DCC: variants seen among roughly 807,000 people sequenced by gnomAD.
DCC encodes the protein netrin receptor DCC.
Under a neutral mutation model 172.5 loss-of-function variants are expected in DCC, and 58 were observed. The observed-to-expected ratio is 0.34, with a 90% CI of 0.27 to 0.42. The LOEUF is 0.42. Ranked by LOEUF, DCC falls within the 10% of genes least tolerant of loss-of-function variation. The pLI is 1.00. For synonymous variants in DCC, 709 were observed against 644.5 expected, an observed-to-expected ratio of 1.10 and a Z score of -1.52; for missense variants, 1,740 against 1,791.0, an observed-to-expected ratio of 0.97 and a Z score of 0.51.
intron 8 of DCC, among the ~76,000 whole-genome samples, chr18:53,170,834 A>G (rs2055002984): frequency 6.6e-6 from 1 of 152,100 alleles, no homozygotes; most frequent in Non-Finnish European, 1.5e-5. Flanking sequence ...TCAGTCCTGA[A>G]CTACTTACTC....
At chr18:52,880,410 A>C (rs370759260) in intron 2 of DCC, among the ~76,000 whole-genome samples, 3 of 152,236 alleles carry the variant, frequency 2.0e-5, no homozygotes. Flanking sequence ...CAGCCTCCCA[A>C]AGTGTTAGGA....
rs1285644221 is a variant in DCC, at chr18:52,984,430, A to G, written c.985+59060A>G. On this transcript the variant is annotated intron_variant, in intron 5 of 28. Coordinates refer to ENST00000442544, the MANE Select transcript of DCC (RefSeq NM_005215.4). ...TCTATTTTTTGTTATATGTTTGATC[A>G]TTAATAGAAAATTAAGTTGAAAATT... 2.0e-5 allele frequency among the ~76,000 whole-genome samples: 3 copies of G among 152,074 alleles called. No individual in the cohort carries two copies. In the East Asian group the frequency reaches 5.8e-4, roughly 29 times the overall value.
At chr18:53,247,235 T>A (rs2144650290) in intron 12 of DCC, among the ~76,000 whole-genome samples, 1 of 152,166 alleles carries the variant, frequency 6.6e-6, no homozygotes, top group Middle Eastern at 3.4e-3. Flanking sequence ...CTGCCCACAT[T>A]CAATTGGCCA....
intron 26 of DCC, among the ~76,000 whole-genome samples, chr18:53,494,592 T>C (rs1218496397): frequency 6.6e-6 from 1 of 152,238 alleles, no homozygotes; most frequent in African/African-American, 2.4e-5. Context: ...CTTTTGATCT[T>C]TGTTGGCTTA....
intron 1 of DCC, among the ~76,000 whole-genome samples, chr18:52,361,974 T>G (rs1984637349): frequency 6.6e-6 from 1 of 152,206 alleles, no homozygotes; most frequent in African/African-American, 2.4e-5. Context: ...TCTATTCTCT[T>G]CATTTAGGTC....
At chr18:53,242,870 A>AGG (rs1367085225) in intron 12 of DCC, among the ~76,000 whole-genome samples, 1 of 114,318 alleles carries the variant, frequency 8.7e-6, no homozygotes, top group Non-Finnish European at 1.9e-5. Context: ...GATGACAAGT[A>AGG]GGTGTGTGTG....
chr18:53,403,295 G>C (rs893584698), intron 19 of DCC, among the ~76,000 whole-genome samples: 5 of 53,840 alleles, frequency 9.3e-5, no homozygotes, highest in African/African-American at 2.0e-4. Context: ...GACTGTGTTT[G>C]TGTGTGTTTG....
At chr18:52,667,661 G>A (rs951027036) in intron 1 of DCC, among the ~76,000 whole-genome samples, 5 of 152,194 alleles carry the variant, frequency 3.3e-5, no homozygotes, top group African/African-American at 2.4e-5. Context: ...ATCCAGTCAC[G>A]CTCTGCATAA....
intron 5 of DCC, among the ~76,000 whole-genome samples, chr18:52,928,328 C>T (rs1029397373): frequency 1.8e-4 from 28 of 152,044 alleles, no homozygotes; most frequent in African/African-American, 6.3e-4. Context: ...AAAAAACTAT[C>T]GAGCACTATG....
intron 2 of DCC, among the ~76,000 whole-genome samples, chr18:52,756,675 T>G (rs770744668): frequency 1.3e-5 from 2 of 152,178 alleles, no homozygotes; most frequent in Non-Finnish European, 2.9e-5. Flanking sequence ...ACCGTGAAAA[T>G]GAACTTGCAT....
At chr18:52,917,895 A>G (rs1417201156) in intron 3 of DCC, among the ~76,000 whole-genome samples, 1 of 152,218 alleles carries the variant, frequency 6.6e-6, no homozygotes, top group Non-Finnish European at 1.5e-5. Flanking sequence ...ATAGTTACAT[A>G]ACTTTGTACA....
chr18:53,300,992 T>TC (rs66526310), intron 12 of DCC, among the ~76,000 whole-genome samples: 14,117 of 107,756 alleles, frequency 0.13, 1,932 homozygotes, highest in African/African-American at 0.25. Flanking sequence ...TTTCTTTCTT[T>TC]TTTTTTCTTT....
intron 27 of DCC, among the ~76,000 whole-genome samples, chr18:53,511,562 C>T (rs938141817): frequency 7.2e-5 from 11 of 152,198 alleles, no homozygotes; most frequent in African/African-American, 2.7e-4. Context: ...GTTCATCTCA[C>T]TAGGGAGTGC....
At chr18:52,691,240 G>A (rs2035925768) in intron 1 of DCC, among the ~76,000 whole-genome samples, 1 of 152,082 alleles carries the variant, frequency 6.6e-6, no homozygotes, top group African/African-American at 2.4e-5. Flanking sequence ...GGAGATTCAA[G>A]CACTTTTTCC....
intron 14 of DCC, among the ~76,000 whole-genome samples, chr18:53,335,144 T>C (rs190968872): frequency 6.6e-6 from 1 of 152,284 alleles, no homozygotes; most frequent in Non-Finnish European, 1.5e-5. Flanking sequence ...AATACCAAAC[T>C]CATCCCTGCA....
intron 12 of DCC, among the ~76,000 whole-genome samples, chr18:53,273,141 G>T (rs1203433710): frequency 1.3e-5 from 2 of 152,094 alleles, no homozygotes; most frequent in African/African-American, 4.8e-5. Context: ...GAGTTGTTGT[G>T]AATTAAATGC....
intron 2 of DCC, among the ~76,000 whole-genome samples, chr18:52,856,509 C>T (rs1265517836): frequency 6.6e-6 from 1 of 150,926 alleles, no homozygotes. Context: ...ACCTGTAGTT[C>T]CAGCTACTCC....
intron 5 of DCC, among the ~76,000 whole-genome samples, chr18:53,017,639 G>A (rs935608196): frequency 5.9e-5 from 9 of 152,156 alleles, no homozygotes; most frequent in Admixed American, 4.6e-4. Context: ...TAAAGTTATG[G>A]GGAAATGATA....
intron 5 of DCC, among the ~76,000 whole-genome samples, chr18:52,960,605 C>A (rs1223615842): frequency 2.0e-5 from 3 of 152,108 alleles, no homozygotes; most frequent in Non-Finnish European, 2.9e-5. Flanking sequence ...TAAATGTGAT[C>A]ATGTTCAGCC....
Sources: allele counts gnomAD v4.1 joint callset (sites outside exome capture counted in the v4.1 genomes callset), GRCh38; gene constraint gnomAD v4.1.1; transcripts MANE v1.5; gene names NCBI Gene and HGNC (gene_info 2026-07-23, HGNC 2026-07-21).